Variants in PPARG observed in about 807,000 individuals in gnomAD.
PPARG encodes the protein peroxisome proliferator activated receptor gamma, also known as peroxisome proliferator-activated receptor gamma.
In PPARG, 17 loss-of-function variants were observed where a neutral mutation model predicts 39.2. The observed-to-expected ratio is 0.43, with a 90% CI of 0.30 to 0.65. The LOEUF is 0.65. Among genes scored for constraint, PPARG ranks in the 30% least tolerant of loss-of-function variants. The probability of loss-of-function intolerance (pLI) is 0.13; values close to 1 mark genes in which losing one functional copy is unlikely to be tolerated. For synonymous variants in PPARG, 223 were observed against 215.7 expected, an observed-to-expected ratio of 1.03 and a Z score of -0.30; for missense variants, 406 against 585.9, an observed-to-expected ratio of 0.69 and a Z score of 3.17.
rs140566471 is a variant in PPARG at position 12,356,166 on chromosome 3, G to T, written c.-8-23538G>T. Among the ~76,000 whole-genome samples, 982 of 152,308 alleles carry T rather than the reference G, an allele frequency of 6.4e-3. 8 individuals carry two copies. The highest frequency in any genetic ancestry group is 0.011 in the Admixed American group (169 of 15,300). On this transcript the variant is annotated intron_variant, in intron 2 of 7. Coordinates refer to ENST00000651735, the MANE Select transcript of PPARG (RefSeq NM_138711.6). ...GTGCTGAATATTTGTGAAAATATAG[G>T]TGATAATGAATTAGACTCGTTTGAA... is the stretch of plus-strand genomic sequence containing the variant.
At chr3:12,321,473 T>C (rs2047543668) in intron 2 of PPARG, among the ~76,000 whole-genome samples, 2 of 152,186 alleles carry the variant, frequency 1.3e-5, no homozygotes, top group African/African-American at 4.8e-5. Context: ...AGAAAATCTT[T>C]CTGTATAGGA....
intron 7 of PPARG, 56 bp from the exon 8 acceptor site, chr3:12,433,842 C>T: frequency 3.7e-6 from 6 of 1,611,982 alleles, no homozygotes; most frequent in Non-Finnish European, 3.4e-6. Flanking sequence ...CAAGGCGGGG[C>T]CCAGAGGATT....
chr3:12,433,067 CTG>C (rs1434875294), intron 7 of PPARG, among the ~76,000 whole-genome samples: 5 of 152,208 alleles, frequency 3.3e-5, no homozygotes, highest in Non-Finnish European at 7.4e-5. Context: ...TATTTTAAAA[CTG>C]TGTTTTGTCC....
intron 1 of PPARG, among the ~76,000 whole-genome samples, chr3:12,309,235 T>G (rs1287243886): frequency 1.3e-5 from 2 of 152,220 alleles, no homozygotes; most frequent in African/African-American, 4.8e-5. Context: ...TTTTTAAAGT[T>G]TCATGCTTTT....
At chr3:12,415,527 G>A (rs948957356) in intron 6 of PPARG, among the ~76,000 whole-genome samples, 3 of 152,110 alleles carry the variant, frequency 2.0e-5, no homozygotes, top group Non-Finnish European at 4.4e-5. Context: ...TACAAACCTT[G>A]CTTAGTTCTA....
chr3:12,357,143 C>G (rs962644102), intron 2 of PPARG, among the ~76,000 whole-genome samples: 7 of 152,112 alleles, frequency 4.6e-5, no homozygotes, highest in African/African-American at 1.4e-4. Context: ...CAACCGGTCA[C>G]CCACAGAGAT....
intron 5 of PPARG, chr3:12,399,309 T>G (rs1186752211): frequency 2.2e-6 from 1 of 453,960 alleles, no homozygotes; most frequent in South Asian, 1.6e-5. Flanking sequence ...TAAAAATAAT[T>G]TAATATTAGT....
chr3:12,358,620 G>C (rs769720657), intron 2 of PPARG, among the ~76,000 whole-genome samples: 13 of 152,118 alleles, frequency 8.5e-5, no homozygotes, highest in Non-Finnish European at 1.6e-4. Flanking sequence ...AGACCTATTA[G>C]ATAGATTGAG....
At chr3:12,354,978 A>G (rs2048614191) in intron 2 of PPARG, among the ~76,000 whole-genome samples, 2 of 152,170 alleles carry the variant, frequency 1.3e-5, no homozygotes, top group South Asian at 4.1e-4. Flanking sequence ...TCCCACTTTC[A>G]TTAATATTTT....
chr3:12,298,576 G>A (rs571363878), intron 1 of PPARG, among the ~76,000 whole-genome samples: 31 of 152,150 alleles, frequency 2.0e-4, no homozygotes, highest in Admixed American at 3.3e-4. Context: ...TGTGAAACTT[G>A]TGGCATGTCC....
At chr3:12,368,555 A>T (rs1224894417) in intron 2 of PPARG, among the ~76,000 whole-genome samples, 1 of 152,110 alleles carries the variant, frequency 6.6e-6, no homozygotes, top group African/African-American at 2.4e-5. Flanking sequence ...CAGAATTTAA[A>T]CTCTAGCCCC....
chr3:12,316,930 T>C (rs1278740767), intron 2 of PPARG, among the ~76,000 whole-genome samples: 1 of 152,138 alleles, frequency 6.6e-6, no homozygotes, highest in Non-Finnish European at 1.5e-5. Flanking sequence ...GTAAGAAATA[T>C]GCTAACTGAT....
intron 3 of PPARG, among the ~76,000 whole-genome samples, chr3:12,381,121 G>T (rs1306495773): frequency 2.6e-5 from 4 of 152,064 alleles, no homozygotes; most frequent in African/African-American, 9.7e-5. Context: ...TACAGGTGAG[G>T]CTTAGAGATG....
chr3:12,424,237 C>T (rs909428521), intron 7 of PPARG, among the ~76,000 whole-genome samples: 1 of 152,174 alleles, frequency 6.6e-6, no homozygotes, highest in African/African-American at 2.4e-5. Flanking sequence ...GATGAAACAT[C>T]CTAGAATCAT....
chr3:12,328,174 A>C lies in PPARG; in HGVS notation c.-9+15721A>C, dbSNP rs553127931. 2.2e-6 allele frequency: 3 copies of C among 1,354,076 alleles called. No individual in the cohort carries two copies. In the South Asian group the frequency reaches 3.5e-5, roughly 16 times the overall value. 83.9% of individuals were successfully genotyped at this position (1,354,076 alleles called of 1,614,324 possible). On this transcript the variant is annotated intron_variant, in intron 2 of 7. Transcript: ENST00000651735. ...GTTAGAGAAGCAGCAAATAGCGAAG[A>C]AAAAATTAAAGAACTAGAACAGAAA...
intron 4 of PPARG, among the ~76,000 whole-genome samples, chr3:12,391,656 A>G (rs1441556706): frequency 1.3e-5 from 2 of 152,200 alleles, no homozygotes; most frequent in Non-Finnish European, 2.9e-5. Flanking sequence ...AGAGATGGCT[A>G]TTAATTATTT....
At chr3:12,358,988 G>A (rs1285064939) in intron 2 of PPARG, among the ~76,000 whole-genome samples, 1 of 152,112 alleles carries the variant, frequency 6.6e-6, no homozygotes, top group Admixed American at 6.5e-5. Flanking sequence ...TCATCCCAAT[G>A]GCTCCACATA....
intron 6 of PPARG, among the ~76,000 whole-genome samples, chr3:12,409,014 C>T (rs1408346762): frequency 2.0e-5 from 3 of 152,138 alleles, no homozygotes; most frequent in Admixed American, 6.6e-5. Context: ...AGGTATTAAG[C>T]TATTTAAAGG....
In PPARG at chr3:12,295,201, C is replaced by G. The variant is rs2046748990; in HGVS notation, c.-83+6067C>G. ...TATCCTTTCCGTCAGTTGATAATTA[C>G]CTGTGTAAACAAGCTTTTGACTGCA... On this transcript the variant is annotated intron_variant, in intron 1 of 7. Transcript: ENST00000651735. Among the ~76,000 whole-genome samples, 3 of 152,088 alleles carry G rather than the reference C, an allele frequency of 2.0e-5. No homozygotes were observed. In the South Asian group the frequency reaches 6.2e-4, roughly 32 times the overall value.
Sources: gnomAD v4.1 joint callset for allele counts (sites outside exome capture counted in the v4.1 genomes callset) on GRCh38, gnomAD v4.1.1 for gene constraint, MANE v1.5 for transcripts, NCBI Gene and HGNC (gene_info 2026-07-23, HGNC 2026-07-21) for gene names.